EPSTI1: variants seen among roughly 807,000 people sequenced by gnomAD.
EPSTI1 encodes epithelial-stromal interaction protein 1.
EPSTI1 carries 66 observed loss-of-function variants against 49.9 expected under a neutral mutation model. That is an observed-to-expected ratio of 1.32 (90% CI 1.08 to 1.62). The LOEUF is 1.62. Among genes scored for constraint, EPSTI1 ranks in the 40% most tolerant of loss-of-function variants. EPSTI1 has a pLI of 0.00. For synonymous variants in EPSTI1, 137 were observed against 130.7 expected (o/e 1.05, Z -0.33); for missense variants, 394 against 365.5 (o/e 1.08, Z -0.64).
At chr13:42,926,064 G>GATGGAAGA (rs2038165982) in intron 7 of EPSTI1, among the ~76,000 whole-genome samples, 1 of 152,222 alleles carries the variant, frequency 6.6e-6, no homozygotes, top group African/African-American at 2.4e-5. Context: ...AGGATGGAAG[G>GATGGAAGA]ATGGAAGAAT....
At chr13:42,957,128 G>C (rs1355031666) in intron 5 of EPSTI1, among the ~76,000 whole-genome samples, 1 of 152,138 alleles carries the variant, frequency 6.6e-6, no homozygotes, top group East Asian at 1.9e-4. Flanking sequence ...AAAACTTAAA[G>C]GACAGAAATA....
Position 42,888,309 on chromosome 13 carries a change from G to T in EPSTI1, c.*185C>A. 6.2e-7 allele frequency: 1 copy of T among 1,604,056 alleles called. No individual in the cohort carries two copies. The highest frequency in any genetic ancestry group is 8.5e-7 in the Non-Finnish European group (1 of 1,174,394). Reference sequence around the variant, plus strand: ...AGATTAAATATGAGTTCAGGAATCAGCTCCTCCAAACATGCATAAATGAGG... The same window carrying T: ...AGATTAAATATGAGTTCAGGAATCATCTCCTCCAAACATGCATAAATGAGG... On this transcript the variant is annotated 3_prime_UTR_variant, in exon 11 of 11. Coordinates refer to ENST00000313624, the MANE Select transcript of EPSTI1 (RefSeq NM_033255.5).
rs545054044 is a variant in EPSTI1, at chr13:42,939,002, C to A, written c.564-12573G>T. On this transcript the variant is annotated intron_variant, in intron 6 of 10. Transcript: ENST00000313624. ...TCTTCTGGATATCTTGCAGTTTCTA[C>A]ATCAGCACTTTCTACTTCACATTGC... Among the ~76,000 whole-genome samples the A allele has an allele frequency of 2.6e-5, 4 of 151,018 alleles. No homozygotes were observed. In the East Asian group the frequency reaches 7.8e-4, roughly 30 times the overall value.
intron 6 of EPSTI1, chr13:42,934,670 C>G (rs1201628105): frequency 6.2e-6 from 1 of 160,326 alleles, no homozygotes; most frequent in Non-Finnish European, 1.4e-5. Flanking sequence ...TCCTGGGTAG[C>G]TACCTGTGCT....
chr13:42,979,387 G>C (rs547951608), intron 1 of EPSTI1, among the ~76,000 whole-genome samples: 2 of 152,130 alleles, frequency 1.3e-5, no homozygotes, highest in South Asian at 4.1e-4. Context: ...GACCATCCTG[G>C]CTAACACGGC....
intron 9 of EPSTI1, among the ~76,000 whole-genome samples, chr13:42,899,439 A>C (rs1232065595): frequency 6.6e-6 from 1 of 152,192 alleles, no homozygotes; most frequent in Non-Finnish European, 1.5e-5. Context: ...GTTCAGTCAA[A>C]TAAAAGTGAG....
intron 1 of EPSTI1, among the ~76,000 whole-genome samples, chr13:42,974,694 T>C (rs996952040): frequency 6.6e-6 from 1 of 152,120 alleles, no homozygotes; most frequent in Non-Finnish European, 1.5e-5. Flanking sequence ...GCGAGGTCTC[T>C]CGAGTTACAC....
intron 6 of EPSTI1, among the ~76,000 whole-genome samples, chr13:42,952,109 A>G (rs1209590514): frequency 6.6e-6 from 1 of 152,112 alleles, no homozygotes; most frequent in Non-Finnish European, 1.5e-5. Context: ...ACCAATCAGC[A>G]CTCTGTAAAA....
chr13:42,897,601 C>T (rs1440857439), intron 9 of EPSTI1, among the ~76,000 whole-genome samples: 1 of 152,174 alleles, frequency 6.6e-6, no homozygotes, highest in East Asian at 1.9e-4. Flanking sequence ...GGCAATTGCT[C>T]TCAATTCACT....
intron 7 of EPSTI1, chr13:42,919,224 C>T (rs530528468): frequency 2.5e-5 from 35 of 1,400,242 alleles, no homozygotes; most frequent in Non-Finnish European, 3.4e-5. Context: ...TTATAAAGGT[C>T]CACAGAAACT....
intron 1 of EPSTI1, among the ~76,000 whole-genome samples, chr13:42,976,060 A>C (rs2039875990): frequency 6.6e-6 from 1 of 152,240 alleles, no homozygotes. Context: ...ATTGGATTCC[A>C]CTTACAAGCT....
rs549150890 is a variant in EPSTI1 at position 42,911,264 on chromosome 13, T to TGTGTGTGTGCGC, written c.741+6276_741+6277insGCGCACACACAC. 4.3e-3 allele frequency among the ~76,000 whole-genome samples: 636 copies of TGTGTGTGTGCGC among 148,534 alleles called. 3 individuals are homozygous for TGTGTGTGTGCGC. The highest frequency in any genetic ancestry group is 0.014 in the African/African-American group (562 of 39,274). On this transcript the variant is annotated intron_variant, in intron 8 of 10. Coordinates refer to ENST00000313624, the MANE Select transcript of EPSTI1 (RefSeq NM_033255.5). ...GAGAGAGTGTGTGTGTGTGTGTGTGTGCGCGCGCACGCGCGCACACGTGTG... is the reference window on the plus strand; with the variant it reads ...GAGAGAGTGTGTGTGTGTGTGTGTGTGTGTGTGTGCGCGCGCGCGCACGCGCGCACACGTGTG...
chr13:42,948,798 T>G (rs1157958903), intron 6 of EPSTI1, among the ~76,000 whole-genome samples: 1 of 152,194 alleles, frequency 6.6e-6, no homozygotes, highest in Non-Finnish European at 1.5e-5. Context: ...TCTTATTACT[T>G]TATTTGATTA....
intron 8 of EPSTI1, among the ~76,000 whole-genome samples, chr13:42,913,154 A>C (rs1181470184): frequency 6.6e-6 from 1 of 152,106 alleles, no homozygotes; most frequent in Non-Finnish European, 1.5e-5. Context: ...GTCAGTAAAA[A>C]AAAAGAAAAC....
chr13:42,917,640 G>GATAAAAAAAAA lies in EPSTI1; in HGVS notation c.658-17_658-16insTTTTTTTTTAT. On this transcript the variant is annotated splice_polypyrimidine_tract_variant and intron_variant, in intron 7 of 10. Coordinates refer to ENST00000313624, the MANE Select transcript of EPSTI1 (RefSeq NM_033255.5). ...AGCTTCTGGCCTGTAAAGGTACAAA[G>GATAAAAAAAAA]AGAAAAAAAAAAAAAAAAACAACTT... 2.0e-5 allele frequency: 3 copies of GATAAAAAAAAA among 149,426 alleles called. No individual in the cohort carries two copies. The highest frequency in any genetic ancestry group is 1.3e-4 in the East Asian group (1 of 7,558). The allele number at this position is 149,426 out of a possible 1,614,324, so 9.3% of individuals were successfully genotyped here.
At chr13:42,895,137 T>C (rs769480519) in intron 9 of EPSTI1, 29 bp from the exon 10 acceptor site, 1 of 1,561,960 alleles carries the variant, frequency 6.4e-7, no homozygotes, top group East Asian at 2.3e-5. Flanking sequence ...TGTGTGTGAG[T>C]AGAAAACTTG....
intron 6 of EPSTI1, among the ~76,000 whole-genome samples, chr13:42,932,580 A>C (rs2038412472): frequency 6.6e-6 from 1 of 151,996 alleles, no homozygotes; most frequent in African/African-American, 2.4e-5. Flanking sequence ...CATATCAGAA[A>C]GTCTCCCTCA....
In EPSTI1 at chr13:42,970,604, A is replaced by C; in HGVS notation, c.247+8T>G. On this transcript the variant is annotated splice_region_variant and intron_variant, in intron 2 of 10. Coordinates refer to ENST00000313624, the MANE Select transcript of EPSTI1 (RefSeq NM_033255.5). ...CATTCTGAATGTTAAATGAATGACT[A>C]TACATACTTCTTTGTATCTCATTTC... The C allele has an allele frequency of 6.2e-7, 1 of 1,603,412 alleles. No individual in the cohort carries two copies. Among genetic ancestry groups the C allele is most frequent in the East Asian group, 2.2e-5 (1 of 44,690 alleles).
rs192893121 is a variant in EPSTI1 at position 42,911,336 on chromosome 13, A to G, written c.741+6205T>C. Among the ~76,000 whole-genome samples the G allele has an allele frequency of 2.1e-3, 326 of 152,268 alleles. 2 individuals carry two copies. Among genetic ancestry groups the G allele is most frequent in the Middle Eastern group, 0.01 (3 of 294 alleles). On this transcript the variant is annotated intron_variant, in intron 8 of 10. Transcript: ENST00000313624. The stretch of plus-strand genomic sequence containing the variant: ...TATCAGATTGTGACATCATGGGGAT[A>G]GTGAAATAAACTTCTAAAATGTTTC...
Sources: allele counts gnomAD v4.1 joint callset (sites outside exome capture counted in the v4.1 genomes callset), GRCh38; gene constraint gnomAD v4.1.1; transcripts MANE v1.5; gene names NCBI Gene and HGNC (gene_info 2026-07-23, HGNC 2026-07-21).